PPME1: variants seen among roughly 807,000 people sequenced by gnomAD.
PPME1 encodes protein phosphatase methylesterase 1, also known as testicular secretory protein Li 39.
Under a neutral mutation model 56.9 loss-of-function variants are expected in PPME1, and 17 were observed. The observed-to-expected ratio is 0.30, with a 90% CI of 0.20 to 0.45. The LOEUF (loss-of-function observed/expected upper bound fraction) is 0.45. Among genes scored for constraint, PPME1 ranks in the 20% least tolerant of loss-of-function variants. The pLI, the probability that PPME1 is intolerant of heterozygous loss-of-function variation, is 1.00. For synonymous variants in PPME1, 122 were observed against 156.2 expected (o/e 0.78, Z 1.63); for missense variants, 357 against 483.2 (o/e 0.74, Z 2.45).
intron 1 of PPME1, among the ~76,000 whole-genome samples, chr11:74,201,283 T>C (rs1858159574): frequency 6.6e-6 from 1 of 152,114 alleles, no homozygotes; most frequent in Admixed American, 6.5e-5. Context: ...CTACAGGCCT[T>C]TTTTGTTTTT....
At chr11:74,250,911 CT>C in intron 11 of PPME1, 42 bp from the exon 12 acceptor site, 4 of 1,509,718 alleles carry the variant, frequency 2.6e-6, no homozygotes, top group Non-Finnish European at 2.7e-6. Context: ...TAAGAGAGGG[CT>C]CTTTTAGTCG....
At chr11:74,199,258 G>A (rs1858080508) in intron 1 of PPME1, among the ~76,000 whole-genome samples, 3 of 151,974 alleles carry the variant, frequency 2.0e-5, no homozygotes, top group Admixed American at 6.6e-5. Flanking sequence ...TTCCTCCTTT[G>A]AACATTCACT....
intron 1 of PPME1, among the ~76,000 whole-genome samples, chr11:74,185,092 C>T (rs1857642407): frequency 1.3e-5 from 2 of 150,132 alleles, no homozygotes; most frequent in South Asian, 2.1e-4. Context: ...CTCCACCTCC[C>T]GGCTTCAAGC....
intron 11 of PPME1, chr11:74,247,963 G>A (rs1859550352): frequency 6.6e-6 from 1 of 152,544 alleles, no homozygotes; most frequent in Non-Finnish European, 1.5e-5. Context: ...TTGACTCTGG[G>A]CAAGTTATCT....
At chr11:74,251,066 C>G (rs1859645964) in intron 12 of PPME1, 48 bp downstream of exon 12, 7 of 1,556,086 alleles carry the variant, frequency 4.5e-6, no homozygotes, top group South Asian at 1.2e-5. Context: ...TGAGAATAAC[C>G]CTGGATGTCA....
intron 8 of PPME1, among the ~76,000 whole-genome samples, chr11:74,237,275 CTTT>C (rs763251745): frequency 1.6e-5 from 2 of 127,980 alleles, no homozygotes; most frequent in Admixed American, 7.7e-5. Context: ...GTCTGGTTGT[CTTT>C]TTTTTTTTTT....
rs535959315 is a variant in PPME1, at chr11:74,247,012, T to C, written c.965-67T>C. ...GAGAATGTCATCATATTTAAAACTT[T>C]GTAACACTTTTTACTTAATACGTGA... On this transcript the variant is annotated intron_variant, in intron 10 of 13. Coordinates refer to ENST00000328257, the MANE Select transcript of PPME1 (RefSeq NM_016147.3). The C allele has an allele frequency of 2.0e-5, 27 of 1,333,478 alleles. No individual in the cohort carries two copies. In the African/African-American group the frequency reaches 3.0e-4, roughly 15 times the overall value. The allele number at this position is 1,333,478 out of a possible 1,614,324, so 82.6% of individuals were successfully genotyped here.
chr11:74,250,747 A>G, intron 11 of PPME1: 2 of 566,288 alleles, frequency 3.5e-6, no homozygotes. Flanking sequence ...TAAATAGGAC[A>G]GAAGGAAAAA....
rs1308305921 is a variant in PPME1, at chr11:74,254,482, C to G, written c.*972C>G. The G allele has an allele frequency of 6.5e-6, 1 of 152,962 alleles. No homozygotes were observed. The highest frequency in any genetic ancestry group is 2.4e-5 in the African/African-American group (1 of 41,442). 9.5% of individuals were successfully genotyped at this position (152,962 alleles called of 1,614,324 possible). A position where few individuals can be genotyped will look rare whatever the true frequency, so the allele number is the denominator to read the frequency against. ...CAGCTGCCTCGACACAGCACTGTGG[C>G]CTGTCCCTATTGCCCAGGCACGCCA... On this transcript the variant is annotated 3_prime_UTR_variant, in exon 14 of 14. Coordinates refer to ENST00000328257, the MANE Select transcript of PPME1 (RefSeq NM_016147.3).
Position 74,253,539 on chromosome 11 carries a change from C to G in PPME1, c.*29C>G. On this transcript the variant is annotated 3_prime_UTR_variant, in exon 14 of 14. Coordinates refer to ENST00000328257, the MANE Select transcript of PPME1 (RefSeq NM_016147.3). Reference sequence around the variant, plus strand: ...CCTGCTGTCCACCCCTCCTCAACATCGAGCTCTGTTGTAAATACGTCGCAC... The same window carrying G: ...CCTGCTGTCCACCCCTCCTCAACATGGAGCTCTGTTGTAAATACGTCGCAC... The G allele has an allele frequency of 1.3e-6, 2 of 1,592,696 alleles. No homozygotes were observed. Among genetic ancestry groups the G allele is most frequent in the Non-Finnish European group, 1.7e-6 (2 of 1,160,536 alleles).
chr11:74,217,410 C>T (rs543821269), intron 3 of PPME1, among the ~76,000 whole-genome samples: 6 of 151,766 alleles, frequency 4.0e-5, no homozygotes, highest in African/African-American at 9.7e-5. Context: ...GACATGGTGG[C>T]GCGCACTTCT....
intron 1 of PPME1, among the ~76,000 whole-genome samples, chr11:74,182,055 G>A (rs182564738): frequency 9.9e-5 from 15 of 152,270 alleles, no homozygotes; most frequent in Admixed American, 2.6e-4. Flanking sequence ...TGGATTTCCC[G>A]TAGGCTGTAG....
chr11:74,189,087 C>T (rs1348179711), intron 1 of PPME1, among the ~76,000 whole-genome samples: 1 of 152,076 alleles, frequency 6.6e-6, no homozygotes, highest in Non-Finnish European at 1.5e-5. Flanking sequence ...TATATTTCCC[C>T]CTTACATAAA....
intron 3 of PPME1, among the ~76,000 whole-genome samples, chr11:74,209,784 G>C (rs1238176563): frequency 6.6e-6 from 1 of 152,136 alleles, no homozygotes; most frequent in African/African-American, 2.4e-5. Context: ...TTTCTACCAT[G>C]TAAAAAACTA....
At chr11:74,186,059 C>T (rs1287667415) in intron 1 of PPME1, among the ~76,000 whole-genome samples, 2 of 152,122 alleles carry the variant, frequency 1.3e-5, no homozygotes, top group African/African-American at 2.4e-5. Context: ...CCACGATGCT[C>T]AACACAGAAA....
chr11:74,209,529 T>A (rs1369978605), intron 3 of PPME1, among the ~76,000 whole-genome samples: 1 of 152,238 alleles, frequency 6.6e-6, no homozygotes, highest in Admixed American at 6.5e-5. Context: ...TGTAAAGTTC[T>A]GGTGAGTTAA....
In PPME1 at chr11:74,230,524, A is replaced by G; in HGVS notation, c.553+125A>G. ...TTGAAATATGTCCCTCTGTCTTTAT[A>G]TCTTTTTTAAGTTTATACAAGATAA... is the stretch of plus-strand genomic sequence containing the variant. On this transcript the variant is annotated intron_variant, in intron 6 of 13. Coordinates refer to ENST00000328257, the MANE Select transcript of PPME1 (RefSeq NM_016147.3). This position sits in a 1 kb window ranked among gnomAD's most constrained non-coding sequence, Gnocchi z 4.9. 8.4e-7 allele frequency: 1 copy of G among 1,184,492 alleles called. No homozygotes were observed. The highest frequency in any genetic ancestry group is 1.2e-6 in the Non-Finnish European group (1 of 836,416). 73.4% of individuals were successfully genotyped at this position (1,184,492 alleles called of 1,614,324 possible).
intron 5 of PPME1, among the ~76,000 whole-genome samples, chr11:74,229,652 C>G (rs1393760794): frequency 6.6e-6 from 1 of 152,174 alleles, no homozygotes; most frequent in African/African-American, 2.4e-5. Context: ...GCATTTTACT[C>G]TTTCGAGGTG....
chr11:74,174,940 T>C (rs375956315), intron 1 of PPME1, among the ~76,000 whole-genome samples: 6 of 152,224 alleles, frequency 3.9e-5, no homozygotes, highest in African/African-American at 1.4e-4. Flanking sequence ...ATATTTTCTC[T>C]TGGGTAAGGC....
Sources: allele counts gnomAD v4.1 joint callset (sites outside exome capture counted in the v4.1 genomes callset), GRCh38; gene constraint gnomAD v4.1.1; non-coding constraint Gnocchi (gnomAD v3.1); transcripts MANE v1.5; gene names NCBI Gene and HGNC (gene_info 2026-07-23, HGNC 2026-07-21).